The following UNC5D variants were observed in gnomAD, a reference collection of about 807,000 sequenced individuals.
UNC5D encodes netrin receptor UNC5D.
Under a neutral mutation model 105.4 loss-of-function variants are expected in UNC5D, and 39 were observed. The ratio of observed to expected loss-of-function variants is 0.37; its 90% confidence interval spans 0.29 to 0.48. UNC5D has a LOEUF of 0.48. UNC5D is among the 20% of genes least tolerant of loss of function. UNC5D has a pLI of 0.98. For missense variants in UNC5D, 991 were observed against 1,202.4 expected (o/e 0.82, Z 2.60); for synonymous variants, 452 against 450.4 (o/e 1.00, Z -0.04).
chr8:35,312,108 TA>T (rs1185510529), intron 1 of UNC5D, among the ~76,000 whole-genome samples: 3 of 152,168 alleles, frequency 2.0e-5, no homozygotes, highest in Non-Finnish European at 4.4e-5. Context: ...TTCAATTAAT[TA>T]AAATCAGCTA....
chr8:35,641,939 A>T (rs187090468), intron 4 of UNC5D, among the ~76,000 whole-genome samples: 1 of 152,124 alleles, frequency 6.6e-6, no homozygotes, highest in Non-Finnish European at 1.5e-5. Flanking sequence ...GTACCATCTC[A>T]CTATTGAATA....
In UNC5D at chr8:35,451,039, ATC is replaced by A. The variant is rs1284839839; in HGVS notation, c.104-98251_104-98250del. Among the ~76,000 whole-genome samples the A allele has an allele frequency of 7.2e-5, 8 of 110,586 alleles. No individual in the cohort carries two copies. In the East Asian group the frequency reaches 1.2e-3, roughly 16 times the overall value. 72.5% of individuals were successfully genotyped at this position (110,586 alleles called of 152,430 possible). On this transcript the variant is annotated intron_variant, in intron 1 of 16. Transcript: ENST00000404895. ...AAATCGAGGAGCATCTATAATAATA[ATC>A]TTTTTTTTTTTTTTTTTTTGAGACA...
chr8:35,738,008 A>G (rs757324825), intron 11 of UNC5D, among the ~76,000 whole-genome samples: 3 of 152,196 alleles, frequency 2.0e-5, no homozygotes, highest in Non-Finnish European at 4.4e-5. Flanking sequence ...AGGGAGGCTG[A>G]GGCAGGAGAA....
chr8:35,640,784 A>C (rs1474521145), intron 4 of UNC5D, among the ~76,000 whole-genome samples: 2 of 152,178 alleles, frequency 1.3e-5, no homozygotes, highest in African/African-American at 2.4e-5. Context: ...TATGAAGTAG[A>C]CTATGATTTT....
chr8:35,312,400 T>C lies in UNC5D; in HGVS notation c.103+76513T>C, dbSNP rs148308761. 3.5e-3 allele frequency among the ~76,000 whole-genome samples: 527 copies of C among 152,302 alleles called. 6 individuals are homozygous for C. The highest frequency in any genetic ancestry group is 0.012 in the African/African-American group (512 of 41,566). On this transcript the variant is annotated intron_variant, in intron 1 of 16. Transcript: ENST00000404895. ...ATTCTCTGCCAAGATAAAACAGCAT[T>C]GCTTTGCTTCTCCTTGATGACTTTA...
At chr8:35,621,757 G>A (rs1056749138) in intron 4 of UNC5D, among the ~76,000 whole-genome samples, 1 of 152,164 alleles carries the variant, frequency 6.6e-6, no homozygotes, top group African/African-American at 2.4e-5. Flanking sequence ...TAGAGAGCCT[G>A]CTAAAGCATA....
At chr8:35,768,285 G>T (rs952226629) in intron 15 of UNC5D, among the ~76,000 whole-genome samples, 3 of 152,208 alleles carry the variant, frequency 2.0e-5, no homozygotes, top group Admixed American at 1.3e-4. Flanking sequence ...ACATGTTTAT[G>T]CAGTATTTGC....
intron 15 of UNC5D, among the ~76,000 whole-genome samples, chr8:35,770,755 A>C (rs1801976171): frequency 1.3e-5 from 2 of 152,194 alleles, no homozygotes. Context: ...ACTTGAAGGA[A>C]TCTTGCATGT....
chr8:35,571,839 G>T (rs1376285527), intron 3 of UNC5D, among the ~76,000 whole-genome samples: 1 of 152,194 alleles, frequency 6.6e-6, no homozygotes, highest in East Asian at 1.9e-4. Flanking sequence ...TTTGATAGAT[G>T]AATGTAGCTT....
At chr8:35,771,816 G>A (rs963012271) in intron 15 of UNC5D, among the ~76,000 whole-genome samples, 2 of 152,204 alleles carry the variant, frequency 1.3e-5, no homozygotes, top group African/African-American at 2.4e-5. Context: ...AGTGAAATAA[G>A]TACTGGTATA....
intron 15 of UNC5D, among the ~76,000 whole-genome samples, chr8:35,770,458 G>C (rs1487476273): frequency 6.6e-6 from 1 of 152,020 alleles, no homozygotes; most frequent in African/African-American, 2.4e-5. Context: ...ACACTTAAAA[G>C]TTATTTTTCT....
At chr8:35,293,816 T>C (rs1807259220) in intron 1 of UNC5D, among the ~76,000 whole-genome samples, 1 of 152,352 alleles carries the variant, frequency 6.6e-6, no homozygotes, top group South Asian at 2.1e-4. Flanking sequence ...CTCCCAATAG[T>C]GTTGACAATT....
intron 4 of UNC5D, among the ~76,000 whole-genome samples, chr8:35,624,322 A>C (rs917440085): frequency 6.6e-6 from 1 of 152,222 alleles, no homozygotes; most frequent in South Asian, 2.1e-4. Flanking sequence ...ATTTTTAAGA[A>C]TATCTTTCCG....
intron 1 of UNC5D, among the ~76,000 whole-genome samples, chr8:35,434,154 G>A (rs960589480): frequency 1.3e-5 from 2 of 151,888 alleles, no homozygotes; most frequent in African/African-American, 2.4e-5. Context: ...TGAAAAACCT[G>A]GTGAATTTAT....
chr8:35,754,127 C>T (rs1256589142), intron 13 of UNC5D, among the ~76,000 whole-genome samples: 2 of 152,120 alleles, frequency 1.3e-5, no homozygotes, highest in Non-Finnish European at 2.9e-5. Flanking sequence ...CTTTTTGAAC[C>T]CCTAAAAGAC....
At chr8:35,497,731 A>C (rs1315507949) in intron 1 of UNC5D, among the ~76,000 whole-genome samples, 1 of 151,904 alleles carries the variant, frequency 6.6e-6, no homozygotes, top group African/African-American at 2.4e-5. Context: ...TGGTTGTATA[A>C]AGGATAAATT....
intron 1 of UNC5D, among the ~76,000 whole-genome samples, chr8:35,455,834 C>T (rs1808455078): frequency 6.6e-6 from 1 of 152,018 alleles, no homozygotes; most frequent in African/African-American, 2.4e-5. Flanking sequence ...ATGAGACTTA[C>T]TCACTACCAC....
At chr8:35,680,757 A>G (rs1330322788) in intron 4 of UNC5D, among the ~76,000 whole-genome samples, 2 of 152,186 alleles carry the variant, frequency 1.3e-5, no homozygotes, top group Admixed American at 6.5e-5. Flanking sequence ...CTTCAGGAGC[A>G]CTGCCCACAG....
chr8:35,741,939 A>G (rs1786588776), intron 11 of UNC5D, among the ~76,000 whole-genome samples: 1 of 152,228 alleles, frequency 6.6e-6, no homozygotes, highest in Admixed American at 6.5e-5. Context: ...AGAAATTTTG[A>G]AAAACATCAC....
Sources: gnomAD v4.1 joint callset for allele counts (sites outside exome capture counted in the v4.1 genomes callset) on GRCh38, gnomAD v4.1.1 for gene constraint, MANE v1.5 for transcripts, NCBI Gene and HGNC (gene_info 2026-07-23, HGNC 2026-07-21) for gene names.